Variants in MTFR1 observed in about 807,000 individuals in gnomAD.
The protein encoded by MTFR1 is chondrocyte protein with a poly-proline region.
In MTFR1, 28 loss-of-function variants were observed where a neutral mutation model predicts 38.8. That is an observed-to-expected ratio of 0.72 (90% CI 0.53 to 0.99). The LOEUF (loss-of-function observed/expected upper bound fraction) is 0.99. Among genes scored for constraint, MTFR1 ranks in the 50% least tolerant of loss-of-function variants. MTFR1 has a pLI of 0.00. For missense variants in MTFR1, 358 were observed against 395.5 expected, an observed-to-expected ratio of 0.91 and a Z score of 0.81; for synonymous variants, 145 against 137.0, an observed-to-expected ratio of 1.06 and a Z score of -0.41.
intron 3 of MTFR1, among the ~76,000 whole-genome samples, chr8:65,687,980 A>G (rs1037335484): frequency 1.3e-5 from 2 of 151,746 alleles, no homozygotes; most frequent in African/African-American, 2.4e-5. Flanking sequence ...CGTGCCTGTA[A>G]TCCCAGCTAC....
chr8:65,751,652 C>A (rs1176251340), intron 3 of MTFR1, among the ~76,000 whole-genome samples: 1 of 152,122 alleles, frequency 6.6e-6, no homozygotes, highest in Non-Finnish European at 1.5e-5. Flanking sequence ...GCCACCACAC[C>A]CAGCTAATTT....
chr8:65,663,246 C>T (rs139257767), intron 1 of MTFR1, among the ~76,000 whole-genome samples: 29,152 of 152,012 alleles, frequency 0.19, 2,961 homozygotes, highest in Middle Eastern at 0.23. Context: ...ACCCTGTGCT[C>T]TCTGAAACAT....
rs531494508 is a variant in MTFR1 at position 65,755,083 on chromosome 8, T to G, written c.*49-15864T>G. Among the ~76,000 whole-genome samples the G allele has an allele frequency of 1.9e-3, 276 of 149,008 alleles. 1 individual carries two copies. The highest frequency in any genetic ancestry group is 6.6e-3 in the African/African-American group (266 of 40,538). The stretch of plus-strand genomic sequence containing the variant: ...TTGCCCAGGCTGGAGCGCAGTGGTG[T>G]GGTTTCGGCTCACTGTAACGTCTGC... On this transcript the variant is annotated intron_variant, in intron 3 of 3. Transcript: ENST00000521247.
chr8:65,686,642 T>C (rs563482023), intron 3 of MTFR1, among the ~76,000 whole-genome samples: 1 of 143,902 alleles, frequency 6.9e-6, no homozygotes, highest in South Asian at 2.2e-4. Context: ...TGAGTATGGC[T>C]GGGCACGGGG....
chr8:65,694,750 GA>G (rs1345557913), intron 4 of MTFR1, among the ~76,000 whole-genome samples: 1 of 152,248 alleles, frequency 6.6e-6, no homozygotes, highest in Non-Finnish European at 1.5e-5. Context: ...ACTGCAGGAT[GA>G]GAGATGTTCA....
At chr8:65,716,374 G>A (rs1337181693) in intron 2 of MTFR1, among the ~76,000 whole-genome samples, 1 of 152,124 alleles carries the variant, frequency 6.6e-6, no homozygotes, top group Non-Finnish European at 1.5e-5. Flanking sequence ...GCCCAGGTAA[G>A]CTCAACTGAA....
chr8:65,729,823 C>A (rs187608626), intron 3 of MTFR1, among the ~76,000 whole-genome samples: 2 of 152,102 alleles, frequency 1.3e-5, no homozygotes, highest in Admixed American at 1.3e-4. Context: ...CCTGCCTTGG[C>A]CTCCCAAAGT....
chr8:65,682,012 G>A (rs1228172915), intron 2 of MTFR1: 1 of 155,678 alleles, frequency 6.4e-6, no homozygotes, highest in African/African-American at 2.4e-5. Context: ...TAAAAATATA[G>A]CAGAAGAGAT....
rs564038001 is a variant in MTFR1, at chr8:65,705,795, A to G, written c.517+866A>G. Among the ~76,000 whole-genome samples, 7 of 152,394 alleles carry G rather than the reference A, an allele frequency of 4.6e-5. No individual in the cohort carries two copies. In the Middle Eastern group the frequency reaches 0.01, roughly 222 times the overall value. On this transcript the variant is annotated intron_variant, in intron 5 of 7. Coordinates refer to ENST00000262146, the MANE Select transcript of MTFR1 (RefSeq NM_014637.4). The stretch of plus-strand genomic sequence containing the variant: ...GCCTTTAACACAAAGCAGCTATTTA[A>G]TAGTTATTCTTCTTCCTTTTGCACA...
At chr8:65,734,462 G>A (rs184853117) in intron 3 of MTFR1, among the ~76,000 whole-genome samples, 3 of 152,284 alleles carry the variant, frequency 2.0e-5, no homozygotes, top group Admixed American at 2.0e-4. Context: ...CCTCCTCTCT[G>A]TAGCTCCTCA....
downstream of MTFR1, among the ~76,000 whole-genome samples, chr8:65,774,751 C>A (rs1019881670): frequency 2.6e-5 from 4 of 151,642 alleles, no homozygotes; most frequent in Admixed American, 6.6e-5. Context: ...TAACATGTAA[C>A]ATAAATAACA....
intron 3 of MTFR1, chr8:65,723,321 A>G (rs1351038854): frequency 9.6e-6 from 3 of 313,608 alleles, no homozygotes; most frequent in African/African-American, 6.5e-5. Flanking sequence ...GAAACAAGTT[A>G]TTGCTGCTGC....
chr8:65,744,345 A>G (rs918275020), intron 3 of MTFR1, among the ~76,000 whole-genome samples: 7 of 152,244 alleles, frequency 4.6e-5, no homozygotes, highest in Non-Finnish European at 1.0e-4. Context: ...ATAAAAATAT[A>G]CTAAAAGGTA....
chr8:65,690,943 T>C (rs912827765), intron 3 of MTFR1, among the ~76,000 whole-genome samples: 4 of 152,194 alleles, frequency 2.6e-5, no homozygotes, highest in African/African-American at 4.8e-5. Flanking sequence ...TACAGTGTTA[T>C]GGGAATATCA....
At chr8:65,772,983 G>C (rs893567723), downstream of MTFR1, among the ~76,000 whole-genome samples, 19 of 152,130 alleles carry the variant, frequency 1.2e-4, no homozygotes, top group African/African-American at 4.1e-4. Context: ...ACTCCAGCCT[G>C]GGCGACAGAT....
At chr8:65,665,124 G>A (rs566330800) in intron 1 of MTFR1, among the ~76,000 whole-genome samples, 8 of 151,374 alleles carry the variant, frequency 5.3e-5, no homozygotes, top group South Asian at 4.2e-4. Context: ...TAGTAGAGAC[G>A]GGGTTTCACC....
At chr8:65,649,996 G>A (rs1319773977) in intron 1 of MTFR1, among the ~76,000 whole-genome samples, 11 of 151,666 alleles carry the variant, frequency 7.3e-5, no homozygotes, top group East Asian at 1.9e-4. Context: ...CCACCACCAC[G>A]CCCGGCTGAT....
At chr8:65,669,738 A>C in intron 1 of MTFR1, 135 bp from the exon 2 acceptor site, 1 of 496,050 alleles carries the variant, frequency 2.0e-6, no homozygotes, top group Non-Finnish European at 3.5e-6. Flanking sequence ...TTTAGTAGAG[A>C]TGGGGTTTCT....
At chr8:65,690,845 T>C (rs1021593423) in intron 3 of MTFR1, among the ~76,000 whole-genome samples, 8 of 152,196 alleles carry the variant, frequency 5.3e-5, no homozygotes, top group African/African-American at 1.9e-4. Context: ...AACAGCCCAT[T>C]AAATACCATC....
Sources: gnomAD v4.1 joint callset for allele counts (sites outside exome capture counted in the v4.1 genomes callset) on GRCh38, gnomAD v4.1.1 for gene constraint, MANE v1.5 for transcripts, NCBI Gene and HGNC (gene_info 2026-07-23, HGNC 2026-07-21) for gene names.